WDFY4: variants seen among roughly 807,000 people sequenced by gnomAD.
WDFY4 encodes the protein WD repeat- and FYVE domain-containing protein 4.
Under a neutral mutation model 351.9 loss-of-function variants are expected in WDFY4, and 169 were observed. The observed-to-expected ratio is 0.48, with a 90% CI of 0.42 to 0.55. WDFY4 has a LOEUF of 0.55. Ranked by LOEUF, WDFY4 falls within the 20% of genes least tolerant of loss-of-function variation. The pLI is 0.00. For missense variants in WDFY4, 3,803 were observed against 3,935.6 expected (o/e 0.97, Z 0.90); for synonymous variants, 1,622 against 1,574.6 (o/e 1.03, Z -0.71).
chr10:48,743,057 C>T lies in WDFY4; in HGVS notation c.1968C>T (p.Asp656=), dbSNP rs1448116469. The change falls in exon 12 of 62, where the codon GAC becomes GAT. Residue 656 remains aspartate (D), a synonymous_variant. Coordinates refer to ENST00000325239, the MANE Select transcript of WDFY4 (RefSeq NM_001394531.1). ...ACGGGCTGCTGTCTCTGCTCTCTGA[C>T]CTGGAAGGCTCCCTCCAGGAGCCCC... ...GFNGLLSLLS[D]LEGSLQEPPL... is the part of the protein sequence containing the mutation. The T allele has an allele frequency of 3.2e-6, 5 of 1,551,560 alleles. No homozygotes were observed. The East Asian group carries it at 1.2e-4, about 38-fold the overall frequency.
rs191746958 is a variant in WDFY4, at chr10:48,861,402, A to C, written c.6664-5863A>C. ...GCTTTGGTGGTGACAAATTCTCTTA[A>C]TTTTACTTTATCTTAGAATGTGTTA... On this transcript the variant is annotated intron_variant, in intron 39 of 61. Transcript: ENST00000325239. Among the ~76,000 whole-genome samples the C allele has an allele frequency of 6.0e-4, 92 of 152,128 alleles. No homozygotes were observed. In the South Asian group the frequency reaches 9.4e-3, roughly 15 times the overall value.
At chr10:48,889,841 G>T (rs987526975) in intron 43 of WDFY4, among the ~76,000 whole-genome samples, 2 of 152,236 alleles carry the variant, frequency 1.3e-5, no homozygotes, top group African/African-American at 4.8e-5. Flanking sequence ...AGCAGCTCTA[G>T]GTTTGGGATG....
At chr10:48,855,647 G>T (rs1057290442) in intron 39 of WDFY4, among the ~76,000 whole-genome samples, 10 of 151,966 alleles carry the variant, frequency 6.6e-5, no homozygotes, top group Admixed American at 5.9e-4. Context: ...AATGATGCAT[G>T]TGCTAATTTA....
intron 61 of WDFY4, among the ~76,000 whole-genome samples, chr10:48,982,128 G>A (rs533600999): frequency 6.6e-6 from 1 of 152,348 alleles, no homozygotes; most frequent in African/African-American, 2.4e-5. Context: ...GGAGTGGGGT[G>A]GGCATGATGG....
At chr10:48,913,183 G>A (rs1838164171) in intron 47 of WDFY4, among the ~76,000 whole-genome samples, 1 of 152,164 alleles carries the variant, frequency 6.6e-6, no homozygotes, top group Non-Finnish European at 1.5e-5. Context: ...GTGTGCAGAG[G>A]ACAGAGAAAT....
chr10:48,902,458 T>C (rs1837406617), intron 47 of WDFY4, among the ~76,000 whole-genome samples: 1 of 152,084 alleles, frequency 6.6e-6, no homozygotes, highest in Non-Finnish European at 1.5e-5. Flanking sequence ...TGGTAGCTGG[T>C]TTTCTACAGG....
chr10:48,750,170 GT>G (rs1292258339), intron 12 of WDFY4, among the ~76,000 whole-genome samples: 3 of 152,204 alleles, frequency 2.0e-5, no homozygotes, highest in Non-Finnish European at 4.4e-5. Context: ...ACTTAAGTTT[GT>G]TAGAGGTAAT....
At chr10:48,781,794 A>G (rs186150516) in intron 19 of WDFY4, among the ~76,000 whole-genome samples, 91 of 152,334 alleles carry the variant, frequency 6.0e-4, no homozygotes, top group African/African-American at 2.1e-3. Context: ...CCTATAAGCT[A>G]AAGACCTCCA....
intron 47 of WDFY4, among the ~76,000 whole-genome samples, chr10:48,934,418 A>G (rs761918076): frequency 9.2e-5 from 14 of 152,194 alleles, no homozygotes; most frequent in African/African-American, 1.7e-4. Flanking sequence ...GGATACAGCA[A>G]TTGAGGCTCA....
intron 47 of WDFY4, among the ~76,000 whole-genome samples, chr10:48,921,587 C>A (rs1030253518): frequency 7.3e-5 from 8 of 109,362 alleles, no homozygotes; most frequent in African/African-American, 2.6e-4. Flanking sequence ...ATAAGTTGAA[C>A]ACAATTAAAA....
At chr10:48,825,368 A>G (rs1380903082) in intron 35 of WDFY4, among the ~76,000 whole-genome samples, 1 of 152,178 alleles carries the variant, frequency 6.6e-6, no homozygotes, top group Non-Finnish European at 1.5e-5. Flanking sequence ...ATTGATAGAC[A>G]TTTGGGTTGA....
chr10:48,758,019 T>A (rs2065387443), intron 12 of WDFY4, among the ~76,000 whole-genome samples: 1 of 152,108 alleles, frequency 6.6e-6, no homozygotes, highest in Non-Finnish European at 1.5e-5. Context: ...ACCCAAATAT[T>A]TACCATTTCT....
intron 47 of WDFY4, chr10:48,914,025 T>A: frequency 6.2e-7 from 1 of 1,614,184 alleles, no homozygotes; most frequent in Non-Finnish European, 8.5e-7. Flanking sequence ...CAGAATACAC[T>A]TGGGGAAGGT....
intron 36 of WDFY4, among the ~76,000 whole-genome samples, chr10:48,828,123 G>A (rs2068066285): frequency 6.6e-6 from 1 of 152,248 alleles, no homozygotes; most frequent in Non-Finnish European, 1.5e-5. Flanking sequence ...AACATTTACT[G>A]AGTGTCTGTT....
chr10:48,895,673 A>G (rs753489915), intron 44 of WDFY4, among the ~76,000 whole-genome samples: 5 of 152,236 alleles, frequency 3.3e-5, no homozygotes, highest in Non-Finnish European at 7.3e-5. Context: ...GATTAGCTCA[A>G]GGCATTTCAG....
intron 35 of WDFY4, chr10:48,823,448 C>T: frequency 8.4e-7 from 1 of 1,191,248 alleles, no homozygotes; most frequent in Non-Finnish European, 1.1e-6. Flanking sequence ...AAATTGGCTC[C>T]CAGCACCCTT....
In WDFY4 at chr10:48,779,937, C is replaced by T. The variant is rs2066163564; in HGVS notation, c.3398-4C>T. On this transcript the variant is annotated splice_region_variant and splice_polypyrimidine_tract_variant and intron_variant, in intron 18 of 61. Coordinates refer to ENST00000325239, the MANE Select transcript of WDFY4 (RefSeq NM_001394531.1). ...TGAGACTCAGTGTTCATGCTGTCTT[C>T]CAGATGTCATGGAACCTGAGGATGA... The T allele has an allele frequency of 6.4e-7, 1 of 1,551,466 alleles. No homozygotes were observed. The highest frequency in any genetic ancestry group is 8.7e-7 in the Non-Finnish European group (1 of 1,147,002).
At chr10:48,723,871 T>C (rs1197573013) in intron 5 of WDFY4, among the ~76,000 whole-genome samples, 1 of 152,022 alleles carries the variant, frequency 6.6e-6, no homozygotes, top group Non-Finnish European at 1.5e-5. Flanking sequence ...TCATCCTGGG[T>C]CCATACAAAC....
intron 44 of WDFY4, among the ~76,000 whole-genome samples, chr10:48,895,399 T>C (rs554071077): frequency 2.0e-5 from 3 of 152,306 alleles, no homozygotes; most frequent in South Asian, 4.1e-4. Flanking sequence ...CACCTTAGGC[T>C]GGGGCTGGCA....
Sources: gnomAD v4.1 joint callset for allele counts (sites outside exome capture counted in the v4.1 genomes callset) on GRCh38, gnomAD v4.1.1 for gene constraint, MANE v1.5 for transcripts, NCBI Gene and HGNC (gene_info 2026-07-23, HGNC 2026-07-21) for gene names.